Variants in CENPP observed in about 807,000 individuals in gnomAD.
CENPP encodes the protein centromere protein P.
A neutral mutation model predicts 35.6 loss-of-function variants in CENPP; 24 were observed. The ratio of observed to expected loss-of-function variants is 0.67; its 90% CI spans 0.49 to 0.95. The LOEUF (loss-of-function observed/expected upper bound fraction) is 0.95. Ranked by LOEUF, CENPP falls within the 40% of genes least tolerant of loss-of-function variation. CENPP has a pLI of 0.00. For missense variants in CENPP, 332 were observed against 345.3 expected (o/e 0.96, Z 0.31); for synonymous variants, 120 against 125.5 (o/e 0.96, Z 0.29).
chr9:92,603,936 TC>T (rs1850999262), intron 5 of CENPP, among the ~76,000 whole-genome samples: 1 of 152,222 alleles, frequency 6.6e-6, no homozygotes, highest in South Asian at 2.1e-4. Flanking sequence ...CTTGCCCTTC[TC>T]CCCACCACCA....
rs778019537 is a variant in CENPP, at chr9:92,379,787, C to T, written c.492C>T (p.Phe164=). 1 of 1,612,214 alleles carries T rather than the reference C, an allele frequency of 6.2e-7. No individual in the cohort carries two copies. Among genetic ancestry groups the T allele is most frequent in the East Asian group, 2.2e-5 (1 of 44,814 alleles). ...GAGCAGAAGAGAGAAAAGATCTGTT[C>T]ATGTTTTTCCGAAGCCTGCATTTTT... ...VSRAEERKDL[F]MFFRSLHFFV... The change falls in exon 5 of 8, where the codon TTC becomes TTT. Residue 164 remains phenylalanine (F), a synonymous_variant. Coordinates refer to ENST00000375587, the MANE Select transcript of CENPP (RefSeq NM_001012267.3).
At chr9:92,609,040 C>A (rs1851160472) in intron 5 of CENPP, among the ~76,000 whole-genome samples, 1 of 152,260 alleles carries the variant, frequency 6.6e-6, no homozygotes, top group Non-Finnish European at 1.5e-5. Context: ...CACAGGCTCT[C>A]CCTTACGGTC....
At chr9:92,568,895 G>A (rs1294209212) in intron 5 of CENPP, among the ~76,000 whole-genome samples, 4 of 152,226 alleles carry the variant, frequency 2.6e-5, no homozygotes, top group African/African-American at 9.6e-5. Flanking sequence ...TTTGAGAAGT[G>A]TCTGTTCATG....
At chr9:92,552,720 C>T (rs1296203534) in intron 5 of CENPP, among the ~76,000 whole-genome samples, 4 of 151,910 alleles carry the variant, frequency 2.6e-5, no homozygotes, top group African/African-American at 4.8e-5. Flanking sequence ...TGTTTGAGTT[C>T]GTTGTAGATT....
At chr9:92,442,360 T>C (rs1488440580) in intron 5 of CENPP, among the ~76,000 whole-genome samples, 4 of 139,938 alleles carry the variant, frequency 2.9e-5, no homozygotes, top group African/African-American at 1.1e-4. Context: ...GTCGCGCCAT[T>C]GCACTCCAGC....
chr9:92,548,677 CA>C (rs1849525122), intron 5 of CENPP, among the ~76,000 whole-genome samples: 1 of 151,930 alleles, frequency 6.6e-6, no homozygotes, highest in African/African-American at 2.4e-5. Context: ...AATGAAGTAA[CA>C]AAAAATAGGC....
In CENPP at chr9:92,616,715, GATTA is replaced by G. The variant is rs1166981684; in HGVS notation, c.*3571_*3574del. Reference sequence around the variant, plus strand: ...AAGTCGTGTGCTTATAACAAGATGTGATTAATTATTTGCCCTGAAAAACACATTT... The same window carrying G: ...AAGTCGTGTGCTTATAACAAGATGTGATTATTTGCCCTGAAAAACACATTT... On this transcript the variant is annotated 3_prime_UTR_variant, in exon 8 of 8. Transcript: ENST00000375587. The G allele has an allele frequency of 2.6e-5, 4 of 152,342 alleles. No homozygotes were observed. The highest frequency in any genetic ancestry group is 9.7e-5 in the African/African-American group (4 of 41,418). 9.4% of individuals were successfully genotyped at this position (152,342 alleles called of 1,614,324 possible).
chr9:92,514,491 T>C (rs2131205963), intron 5 of CENPP: 1 of 1,149,218 alleles, frequency 8.7e-7, no homozygotes, highest in Non-Finnish European at 1.2e-6. Context: ...TCCAGGCTGG[T>C]CTCAAACCCC....
chr9:92,595,900 G>C (rs1022645746), intron 5 of CENPP, among the ~76,000 whole-genome samples: 3 of 152,022 alleles, frequency 2.0e-5, no homozygotes, highest in African/African-American at 7.2e-5. Context: ...AGCATTTAAC[G>C]TAAGACTGTG....
At chr9:92,612,364 T>C (rs1023263451) in intron 6 of CENPP, among the ~76,000 whole-genome samples, 159 bp from the exon 7 acceptor site, 2 of 152,220 alleles carry the variant, frequency 1.3e-5, no homozygotes, top group South Asian at 2.1e-4. Context: ...CTGGTTCCAT[T>C]TGCCTGTGCT....
At chr9:92,574,975 T>C (rs1326190422) in intron 5 of CENPP, among the ~76,000 whole-genome samples, 1 of 152,200 alleles carries the variant, frequency 6.6e-6, no homozygotes, top group Non-Finnish European at 1.5e-5. Flanking sequence ...ATGACATTCA[T>C]TTAACACATG....
chr9:92,423,950 T>TAA (rs149933711), intron 5 of CENPP, among the ~76,000 whole-genome samples: 2 of 151,298 alleles, frequency 1.3e-5, no homozygotes, highest in African/African-American at 4.9e-5. Context: ...TCATTCAAAG[T>TAA]AAAAAAAAAT....
At position 92,327,410 on chromosome 9, in the gene CENPP, G is replaced by A. The variant is rs909296425; in HGVS notation, c.107+1305G>A. On this transcript the variant is annotated intron_variant, in intron 1 of 7. Coordinates refer to ENST00000375587, the MANE Select transcript of CENPP (RefSeq NM_001012267.3). The stretch of plus-strand genomic sequence containing the variant: ...TTGGAGGAGGAGGGGTTGGGGCAGG[G>A]ATTTATGCTGTATGAGTGGGCTAGG... Among the ~76,000 whole-genome samples the A allele has an allele frequency of 5.3e-5, 8 of 152,194 alleles. No homozygotes were observed. The South Asian group carries it at 1.7e-3, about 32-fold the overall frequency.
upstream of CENPP, chr9:92,325,884 C>T: frequency 1.3e-6 from 1 of 789,408 alleles, no homozygotes; most frequent in Non-Finnish European, 2.0e-6. Context: ...CTCCCCTCCG[C>T]GTGAGCTCTG....
intron 5 of CENPP, among the ~76,000 whole-genome samples, chr9:92,545,788 A>C (rs186638256): frequency 1.8e-3 from 274 of 152,204 alleles, no homozygotes; most frequent in Admixed American, 3.7e-3. Context: ...ACCAGTCAGC[A>C]CTCCGTGTCT....
At chr9:92,438,038 G>C (rs897119625) in intron 5 of CENPP, among the ~76,000 whole-genome samples, 3 of 151,772 alleles carry the variant, frequency 2.0e-5, no homozygotes, top group African/African-American at 7.3e-5. Flanking sequence ...GAACTCCTAG[G>C]CTCAAGTGAT....
chr9:92,415,202 C>G (rs767729988), intron 5 of CENPP: 31 of 1,613,672 alleles, frequency 1.9e-5, no homozygotes, highest in Non-Finnish European at 8.5e-7. Flanking sequence ...TCTGCTCCTT[C>G]TTGTTCTGGG....
At chr9:92,389,304 T>C (rs1424495309) in intron 5 of CENPP, among the ~76,000 whole-genome samples, 1 of 152,216 alleles carries the variant, frequency 6.6e-6, no homozygotes, top group Non-Finnish European at 1.5e-5. Context: ...TCCTACATAA[T>C]ATTTGCTTGA....
chr9:92,401,575 A>G (rs1048678120), intron 5 of CENPP, among the ~76,000 whole-genome samples: 1 of 152,178 alleles, frequency 6.6e-6, no homozygotes, highest in Non-Finnish European at 1.5e-5. Flanking sequence ...TTTCTCATTC[A>G]GATTCTACCA....
Sources: gnomAD v4.1 joint callset for allele counts (sites outside exome capture counted in the v4.1 genomes callset) on GRCh38, gnomAD v4.1.1 for gene constraint, MANE v1.5 for transcripts, NCBI Gene and HGNC (gene_info 2026-07-23, HGNC 2026-07-21) for gene names.